RAD51B: variants seen among roughly 807,000 people sequenced by gnomAD.
RAD51B encodes the protein RAD51 paralog B.
RAD51B carries 38 observed loss-of-function variants against 42.2 expected under a neutral mutation model. The observed-to-expected ratio is 0.90, with a 90% CI of 0.70 to 1.18. The LOEUF is 1.18. RAD51B is among the 50% of genes most tolerant of loss of function. The probability of loss-of-function intolerance (pLI) is 0.00; values close to 1 mark genes in which losing one functional copy is unlikely to be tolerated. For synonymous variants in RAD51B, 154 were observed against 145.2 expected (o/e 1.06, Z -0.43); for missense variants, 373 against 400.7 (o/e 0.93, Z 0.59).
At chr14:68,669,282 A>T (rs775066753) in intron 11 of RAD51B, among the ~76,000 whole-genome samples, 3 of 152,250 alleles carry the variant, frequency 2.0e-5, no homozygotes, top group Admixed American at 2.0e-4. Context: ...TGAACTTTAC[A>T]TAGGAAATAT....
intron 9 of RAD51B, among the ~76,000 whole-genome samples, chr14:68,458,066 A>G (rs957052612): frequency 6.6e-6 from 1 of 152,168 alleles, no homozygotes; most frequent in African/African-American, 2.4e-5. Flanking sequence ...GATGTTTGCA[A>G]TTTACTTTGA....
At chr14:68,408,986 ATGGT>A (rs2084351203) in intron 8 of RAD51B, among the ~76,000 whole-genome samples, 1 of 152,114 alleles carries the variant, frequency 6.6e-6, no homozygotes. Context: ...AAATAGGTTA[ATGGT>A]TGCCAAGAGC....
chr14:67,957,481 C>A (rs984142239), intron 7 of RAD51B, among the ~76,000 whole-genome samples: 1 of 152,064 alleles, frequency 6.6e-6, no homozygotes, highest in Non-Finnish European at 1.5e-5. Context: ...ATCTGTGGAT[C>A]CTACAGTCAA....
chr14:68,137,714 A>G lies in RAD51B; in HGVS notation c.757-154170A>G, dbSNP rs148601792. 9.8e-5 allele frequency among the ~76,000 whole-genome samples: 15 copies of G among 152,294 alleles called. No individual in the cohort carries two copies. In the East Asian group the frequency reaches 2.9e-3, roughly 29 times the overall value. ...ACTACAGTCCACAGGTGTTCATGCA[A>G]TTGCTGAGGGTTTTCTGAGAAGGTG... On this transcript the variant is annotated intron_variant, in intron 7 of 10. Coordinates refer to ENST00000471583, the MANE Select transcript of RAD51B (RefSeq NM_133510.4).
chr14:68,044,978 G>C (rs527697447), intron 7 of RAD51B, among the ~76,000 whole-genome samples: 2 of 152,054 alleles, frequency 1.3e-5, no homozygotes, highest in South Asian at 4.1e-4. Context: ...GGTGGCTCAC[G>C]CCTGTAATCC....
At chr14:68,426,522 G>A (rs2084855465) in intron 9 of RAD51B, among the ~76,000 whole-genome samples, 1 of 152,196 alleles carries the variant, frequency 6.6e-6, no homozygotes, top group South Asian at 2.1e-4. Context: ...CAGAATTTAA[G>A]AGCAATGAAC....
chr14:68,113,079 A>G (rs527631457), intron 7 of RAD51B, among the ~76,000 whole-genome samples: 1 of 152,200 alleles, frequency 6.6e-6, no homozygotes, highest in Admixed American at 6.5e-5. Flanking sequence ...AAAAATACGA[A>G]ATTGGTTTAT....
chr14:68,552,429 T>C (rs1377207202), intron 10 of RAD51B, among the ~76,000 whole-genome samples: 1 of 152,106 alleles, frequency 6.6e-6, no homozygotes, highest in Non-Finnish European at 1.5e-5. Flanking sequence ...CCCCAAACAT[T>C]TGCAAAGCCC....
At chr14:68,496,782 C>T (rs1177418047) in intron 10 of RAD51B, among the ~76,000 whole-genome samples, 1 of 152,212 alleles carries the variant, frequency 6.6e-6, no homozygotes, top group African/African-American at 2.4e-5. Flanking sequence ...AGCTGATTTC[C>T]ACCCTCATGA....
At chr14:68,283,615 T>G (rs993082971) in intron 7 of RAD51B, among the ~76,000 whole-genome samples, 10 of 152,204 alleles carry the variant, frequency 6.6e-5, no homozygotes, top group African/African-American at 2.4e-4. Context: ...GCCGTCGGGG[T>G]TGGGCTGAAG....
downstream of RAD51B, among the ~76,000 whole-genome samples, chr14:68,600,059 C>T (rs539750118): frequency 6.6e-6 from 1 of 152,180 alleles, no homozygotes; most frequent in Admixed American, 6.5e-5. Flanking sequence ...TATACCCTGT[C>T]CCCCTACAGG....
chr14:67,938,661 G>A (rs751357108), intron 7 of RAD51B, among the ~76,000 whole-genome samples: 24 of 152,198 alleles, frequency 1.6e-4, no homozygotes, highest in Non-Finnish European at 3.1e-4. Flanking sequence ...AGATGATGCT[G>A]TATTTCAGTA....
intron 9 of RAD51B, among the ~76,000 whole-genome samples, chr14:68,463,407 G>A (rs2085895440): frequency 6.6e-6 from 1 of 151,974 alleles, no homozygotes; most frequent in South Asian, 2.1e-4. Context: ...TCTTCATATA[G>A]TATATACTAC....
At chr14:67,950,245 T>G (rs553978456) in intron 7 of RAD51B, among the ~76,000 whole-genome samples, 1 of 152,234 alleles carries the variant, frequency 6.6e-6, no homozygotes, top group Non-Finnish European at 1.5e-5. Flanking sequence ...TTTATCTGTA[T>G]GGAAAATCTG....
chr14:68,404,530 G>A (rs902985619), intron 8 of RAD51B, among the ~76,000 whole-genome samples: 6 of 152,232 alleles, frequency 3.9e-5, no homozygotes, highest in African/African-American at 1.4e-4. Flanking sequence ...TTAAAATAAG[G>A]TCACAACTTT....
intron 11 of RAD51B, among the ~76,000 whole-genome samples, chr14:68,675,748 G>C (rs1284452971): frequency 6.6e-6 from 1 of 152,160 alleles, no homozygotes; most frequent in Non-Finnish European, 1.5e-5. Context: ...CATTGCCTTG[G>C]GCCTTCAGAG....
rs199989270 is a variant in RAD51B, at chr14:68,660,057, G to A, written c.*11+9201G>A. ...TTTAAACGAATAAGCCATGGATTACGAACTCAAATGCCAATGGGGGCTGGC... is the reference window on the plus strand; with the variant it reads ...TTTAAACGAATAAGCCATGGATTACAAACTCAAATGCCAATGGGGGCTGGC... On this transcript the variant is annotated intron_variant, in intron 11 of 11. Coordinates refer to the RAD51B transcript ENST00000488612. 3.7e-4 allele frequency among the ~76,000 whole-genome samples: 57 copies of A among 152,164 alleles called. 1 individual carries two copies. The highest frequency in any genetic ancestry group is 6.2e-4 in the Non-Finnish European group (42 of 68,044).
At chr14:68,174,098 T>C (rs956661758) in intron 7 of RAD51B, among the ~76,000 whole-genome samples, 6 of 152,226 alleles carry the variant, frequency 3.9e-5, no homozygotes, top group African/African-American at 1.2e-4. Context: ...ATGACTCTTA[T>C]ACATTTTGTT....
chr14:67,909,437 C>T (rs955475195), intron 7 of RAD51B, among the ~76,000 whole-genome samples: 5 of 152,158 alleles, frequency 3.3e-5, no homozygotes. Context: ...TTTGACAAAA[C>T]TTATTGCAGA....
Sources: allele counts gnomAD v4.1 joint callset (sites outside exome capture counted in the v4.1 genomes callset), GRCh38; gene constraint gnomAD v4.1.1; transcripts MANE v1.5; gene names NCBI Gene and HGNC (gene_info 2026-07-23, HGNC 2026-07-21).